Variants in MYOM3 observed in about 807,000 individuals in gnomAD.
The protein encoded by MYOM3 is myomesin-3.
In MYOM3, 155 loss-of-function variants were observed where a neutral mutation model predicts 191.7. The ratio of observed to expected loss-of-function variants is 0.81; its 90% CI spans 0.71 to 0.92. The LOEUF (loss-of-function observed/expected upper bound fraction) is 0.92, where lower values mean the gene tolerates loss of function less well. Ranked by LOEUF, MYOM3 falls within the 40% of genes least tolerant of loss-of-function variation. MYOM3 has a pLI of 0.00. For missense variants in MYOM3, 1,889 were observed against 1,890.6 expected (o/e 1.00, Z 0.02); for synonymous variants, 757 against 762.9 (o/e 0.99, Z 0.13).
At chr1:24,075,599 G>T in intron 21 of MYOM3, 124 bp from the exon 22 acceptor site, 2 of 1,048,384 alleles carry the variant, frequency 1.9e-6, no homozygotes, top group Non-Finnish European at 2.6e-6. Flanking sequence ...ACTCCTTGCT[G>T]TGGCTGCCAA....
intron 15 of MYOM3, among the ~76,000 whole-genome samples, chr1:24,085,152 GCATGGACAGGTGGATA>G (rs1316021854): frequency 6.6e-6 from 1 of 150,998 alleles, no homozygotes; most frequent in Non-Finnish European, 1.5e-5. Context: ...ACAGATGGAT[GCATGGACAGGTGGATA>G]CATGGATGAA....
intron 28 of MYOM3, 114 bp from the exon 29 acceptor site, chr1:24,066,115 T>A: frequency 1.3e-6 from 1 of 768,130 alleles, no homozygotes; most frequent in African/African-American, 1.7e-5. Flanking sequence ...ACCATGTGTC[T>A]CCTCTGCTGG....
intron 15 of MYOM3, 50 bp downstream of exon 15, chr1:24,086,594 G>A: frequency 1.3e-6 from 2 of 1,580,044 alleles, no homozygotes; most frequent in South Asian, 2.3e-5. Context: ...TTCAGGTCCT[G>A]AGCCTGGCCT....
At chr1:24,091,288 G>A (rs1448479675) in intron 11 of MYOM3, among the ~76,000 whole-genome samples, 1 of 152,134 alleles carries the variant, frequency 6.6e-6, no homozygotes, top group African/African-American at 2.4e-5. Flanking sequence ...GGCAGTCCTA[G>A]GGGGCACGTG....
rs1336327725 is a variant in MYOM3 at position 24,087,012 on chromosome 1, G to A, written c.1615-185C>T. Among the ~76,000 whole-genome samples the A allele has an allele frequency of 2.0e-5, 3 of 151,964 alleles. No homozygotes were observed. The highest frequency in any genetic ancestry group is 2.4e-5 in the African/African-American group (1 of 41,376). ...TCACCTCTCCACCCGGATTCCTACC[G>A]AGACCTCACGTCCAGCCTGTCCACA... is the stretch of plus-strand genomic sequence containing the variant. On this transcript the variant is annotated intron_variant, in intron 14 of 36. Transcript: ENST00000374434. The surrounding 1 kb of genome is among the most constrained non-coding windows in gnomAD (Gnocchi z 4.5).
Position 24,093,046 on chromosome 1 carries a change from T to G in MYOM3, c.991A>C (p.Lys331Gln), listed in dbSNP as rs756941452. 6.2e-7 allele frequency: 1 copy of G among 1,613,046 alleles called. No individual in the cohort carries two copies. The highest frequency in any genetic ancestry group is 8.5e-7 in the Non-Finnish European group (1 of 1,179,708). ...TCCTCCTTGTAGGTGCAGGACACCTTCAGGGATGCCTGGCGGTCTGTGTAG... is the reference window on the plus strand; with the variant it reads ...TCCTCCTTGTAGGTGCAGGACACCTGCAGGGATGCCTGGCGGTCTGTGTAG... Reference protein sequence around the residue: ...ILYTDRQASLKVSCTYKEDEG... With the variant: ...ILYTDRQASLQVSCTYKEDEG... Residue 331 changes from lysine (K) to glutamine (Q), a missense_variant, in exon 10 of 37, where the codon AAG becomes CAG. Coordinates refer to ENST00000374434, the MANE Select transcript of MYOM3 (RefSeq NM_152372.4).
chr1:24,093,529 T>G (rs891935586), intron 9 of MYOM3, among the ~76,000 whole-genome samples: 2 of 150,772 alleles, frequency 1.3e-5, no homozygotes, highest in African/African-American at 4.9e-5. Context: ...AGCTGGGGCC[T>G]CGGTGAGGCG....
intron 29 of MYOM3, chr1:24,065,685 C>T (rs1453838151): frequency 4.9e-6 from 3 of 613,302 alleles, no homozygotes; most frequent in Admixed American, 2.8e-5. Flanking sequence ...AGTTTTTTTG[C>T]ATTAATTTTG....
chr1:24,072,431 T>C (rs1643543301), intron 23 of MYOM3, among the ~76,000 whole-genome samples: 1 of 152,182 alleles, frequency 6.6e-6, no homozygotes, highest in East Asian at 1.9e-4. Context: ...TCACATGCTA[T>C]CTTAGTGTCC....
intron 16 of MYOM3, chr1:24,084,149 A>G (rs1284155825): frequency 1.3e-5 from 4 of 307,476 alleles, no homozygotes; most frequent in Non-Finnish European, 6.2e-6. Context: ...AGGAGATTGG[A>G]TCATGGGGGC....
At chr1:24,103,242 C>T (rs530478569) in intron 5 of MYOM3, among the ~76,000 whole-genome samples, 132 of 152,348 alleles carry the variant, frequency 8.7e-4, no homozygotes, top group African/African-American at 3.0e-3. Context: ...GCCTGGCCAG[C>T]GCTGGGAGCA....
chr1:24,094,308 T>C (rs1490230210), intron 9 of MYOM3, among the ~76,000 whole-genome samples: 2 of 151,792 alleles, frequency 1.3e-5, no homozygotes, highest in East Asian at 1.9e-4. Flanking sequence ...AGTAGCTAGA[T>C]TACAGGCACC....
chr1:24,107,585 C>T (rs1643995413), intron 3 of MYOM3, among the ~76,000 whole-genome samples: 1 of 152,170 alleles, frequency 6.6e-6, no homozygotes, highest in Admixed American at 6.5e-5. Flanking sequence ...CCTCCTAGCC[C>T]AGGGCCCTGC....
rs1643992892 is a variant in MYOM3, at chr1:24,107,312, C to T, written c.243-80G>A. Reference sequence around the variant, plus strand: ...TCCTGGCCAGTTCCATTCCCTGTGCCCAGCAGTGCCAGGATGCTTTAAACT... The same window carrying T: ...TCCTGGCCAGTTCCATTCCCTGTGCTCAGCAGTGCCAGGATGCTTTAAACT... On this transcript the variant is annotated intron_variant, in intron 3 of 36. Coordinates refer to ENST00000374434, the MANE Select transcript of MYOM3 (RefSeq NM_152372.4). The T allele has an allele frequency of 6.3e-6, 8 of 1,272,628 alleles. No homozygotes were observed. In the South Asian group the frequency reaches 1.2e-4, roughly 19 times the overall value. 78.8% of individuals were successfully genotyped at this position (1,272,628 alleles called of 1,614,324 possible). A position where few individuals can be genotyped will look rare whatever the true frequency, so the allele number is the denominator to read the frequency against.
rs543919240 is a variant in MYOM3 at position 24,058,820 on chromosome 1, C to T, written c.4050+104G>A. Reference sequence around the variant, plus strand: ...AATGAGGTGTGGTCACTTGGCCACTCTTTGGCTTTGAATCCATGGTGCTGC... The same window carrying T: ...AATGAGGTGTGGTCACTTGGCCACTTTTTGGCTTTGAATCCATGGTGCTGC... On this transcript the variant is annotated intron_variant, in intron 36 of 36. Transcript: ENST00000374434. The T allele has an allele frequency of 5.3e-5, 47 of 881,632 alleles. No individual in the cohort carries two copies. The African/African-American group carries it at 7.4e-4, about 14-fold the overall frequency. The allele number at this position is 881,632 out of a possible 1,614,324, so 54.6% of individuals were successfully genotyped here. A position where few individuals can be genotyped will look rare whatever the true frequency, so the allele number is the denominator to read the frequency against.
At chr1:24,081,908 G>T in intron 18 of MYOM3, 93 bp downstream of exon 18, 1 of 1,259,208 alleles carries the variant, frequency 7.9e-7, no homozygotes, top group Non-Finnish European at 1.1e-6. Flanking sequence ...TGAGACTTCT[G>T]TCAGCCTCTG....
chr1:24,103,822 G>A (rs1308361653), intron 5 of MYOM3, among the ~76,000 whole-genome samples: 10 of 96,962 alleles, frequency 1.0e-4, no homozygotes, highest in South Asian at 3.8e-4. Flanking sequence ...ATCTCCCCCC[G>A]CCCCACAAAA....
rs757326338 is a variant in MYOM3, at chr1:24,065,823, G to A, written c.3534+68C>T. On this transcript the variant is annotated intron_variant, in intron 29 of 36. Transcript: ENST00000374434. ...CGGCCCTGCCCTGACTCCCAGCCCA[G>A]AGCTCTTGGCCCTCCCTGGCTTGCA... is the stretch of plus-strand genomic sequence containing the variant. 24 of 1,219,432 alleles carry A rather than the reference G, an allele frequency of 2.0e-5. No individual in the cohort carries two copies. The Admixed American group carries it at 2.9e-4, about 15-fold the overall frequency. 75.5% of individuals were successfully genotyped at this position (1,219,432 alleles called of 1,614,324 possible). A position where few individuals can be genotyped will look rare whatever the true frequency, so the allele number is the denominator to read the frequency against.
At chr1:24,062,712 A>C (rs780311992) in intron 32 of MYOM3, among the ~76,000 whole-genome samples, 1 of 152,018 alleles carries the variant, frequency 6.6e-6, no homozygotes, top group Non-Finnish European at 1.5e-5. Flanking sequence ...TGGCTGACCA[A>C]GTTTGCTAAG....
Sources: allele counts gnomAD v4.1 joint callset (sites outside exome capture counted in the v4.1 genomes callset), GRCh38; gene constraint gnomAD v4.1.1; non-coding constraint Gnocchi (gnomAD v3.1); transcripts MANE v1.5; gene names NCBI Gene and HGNC (gene_info 2026-07-23, HGNC 2026-07-21).